STARD13: variants seen among roughly 807,000 people sequenced by gnomAD.
STARD13 encodes stAR-related lipid transfer protein 13.
A neutral mutation model predicts 106.4 loss-of-function variants in STARD13; 62 were observed. The observed-to-expected ratio is 0.58, with a 90% CI of 0.48 to 0.72. STARD13 has a LOEUF of 0.72. STARD13 is among the 30% of genes least tolerant of loss of function. The pLI is 0.00. For synonymous variants in STARD13, 565 were observed against 553.0 expected (o/e 1.02, Z -0.31); for missense variants, 1,387 against 1,424.0 (o/e 0.97, Z 0.42).
chr13:33,442,860 A>T, the STARD13 span, among the ~76,000 whole-genome samples: 49 of 152,326 alleles, frequency 3.2e-4, no homozygotes, highest in Non-Finnish European at 5.7e-4. Flanking sequence ...CATAAATGTG[A>T]TGGTGAACAT....
intron 1 of STARD13, among the ~76,000 whole-genome samples, chr13:33,317,905 T>G (rs1421846935): frequency 7.2e-5 from 11 of 152,304 alleles, no homozygotes; most frequent in African/African-American, 2.6e-4. Context: ...TCAAATATTT[T>G]TATACATTAT....
chr13:33,382,630 T>C, the STARD13 span, among the ~76,000 whole-genome samples: 1 of 152,176 alleles, frequency 6.6e-6, no homozygotes, highest in South Asian at 2.1e-4. Context: ...TAAAAGGCCA[T>C]AATTTAAGAG....
At chr13:33,191,531 T>C (rs1417080050) in intron 1 of STARD13, among the ~76,000 whole-genome samples, 2 of 152,246 alleles carry the variant, frequency 1.3e-5, no homozygotes, top group African/African-American at 2.4e-5. Context: ...CACATGCCGA[T>C]GTCCTGGCTA....
the STARD13 span, among the ~76,000 whole-genome samples, chr13:33,458,334 T>A: frequency 1.2e-3 from 175 of 150,300 alleles, no homozygotes; most frequent in Middle Eastern, 3.4e-3. Context: ...GTGCAGTGGC[T>A]CAATCTTGGC....
At chr13:33,647,982 C>T in the STARD13 span, among the ~76,000 whole-genome samples, 33 of 152,230 alleles carry the variant, frequency 2.2e-4, no homozygotes, top group African/African-American at 7.5e-4. Flanking sequence ...GACAATGATA[C>T]GTGCTCTGTT....
chr13:33,296,680 A>G (rs1017556131), intron 1 of STARD13, among the ~76,000 whole-genome samples: 4 of 152,112 alleles, frequency 2.6e-5, no homozygotes, highest in African/African-American at 4.8e-5. Flanking sequence ...GTGCAATGGT[A>G]TAATCTCAGC....
intron 2 of STARD13, among the ~76,000 whole-genome samples, chr13:33,166,993 C>CAA (rs376027158): frequency 1.1e-3 from 113 of 103,474 alleles, no homozygotes; most frequent in Non-Finnish European, 1.5e-3. Flanking sequence ...GACTCTATCT[C>CAA]AAAAAAAAAC....
chr13:33,602,375 G>C, the STARD13 span, among the ~76,000 whole-genome samples: 2 of 152,288 alleles, frequency 1.3e-5, no homozygotes, highest in South Asian at 2.1e-4. Context: ...GCAGGCGTGA[G>C]CCACCAAAAC....
chr13:33,393,777 T>A, the STARD13 span, among the ~76,000 whole-genome samples: 17 of 152,332 alleles, frequency 1.1e-4, no homozygotes, highest in African/African-American at 3.1e-4. Flanking sequence ...GAAACTCAGA[T>A]TAAATAACTT....
chr13:33,538,856 G>A, the STARD13 span, among the ~76,000 whole-genome samples: 7 of 150,814 alleles, frequency 4.6e-5, no homozygotes, highest in African/African-American at 7.3e-5. Context: ...TGCAAGCTCC[G>A]CCTCCCGGGT....
chr13:33,646,597 C>T, the STARD13 span, among the ~76,000 whole-genome samples: 2 of 151,900 alleles, frequency 1.3e-5, no homozygotes, highest in Admixed American at 6.6e-5. Context: ...TGATGTCACA[C>T]ATAGAATTTT....
At chr13:33,472,029 C>T in the STARD13 span, among the ~76,000 whole-genome samples, 1 of 152,114 alleles carries the variant, frequency 6.6e-6, no homozygotes, top group East Asian at 1.9e-4. Flanking sequence ...CTCCCTTTGC[C>T]TTTCATCAAA....
chr13:33,210,432 G>A (rs1178493775), intron 1 of STARD13, among the ~76,000 whole-genome samples: 1 of 152,194 alleles, frequency 6.6e-6, no homozygotes, highest in African/African-American at 2.4e-5. Flanking sequence ...TACAAGCTGT[G>A]TGAATTTGAA....
chr13:33,289,776 G>GC (rs1239528495), upstream of STARD13, among the ~76,000 whole-genome samples: 1 of 152,058 alleles, frequency 6.6e-6, no homozygotes, highest in Non-Finnish European at 1.5e-5. Context: ...AGATCCCAGA[G>GC]CCCTTAGTCA....
the STARD13 span, among the ~76,000 whole-genome samples, chr13:33,457,722 G>T: frequency 6.6e-6 from 1 of 152,164 alleles, no homozygotes; most frequent in Non-Finnish European, 1.5e-5. Flanking sequence ...TTCCAACAAG[G>T]CAGAAGGGGC....
the STARD13 span, among the ~76,000 whole-genome samples, chr13:33,578,102 C>T: frequency 3.9e-5 from 6 of 152,074 alleles, no homozygotes; most frequent in East Asian, 1.9e-4. Flanking sequence ...AGATTCAGTA[C>T]TGTTACTATT....
intron 7 of STARD13, among the ~76,000 whole-genome samples, chr13:33,119,983 A>G (rs9527098): frequency 0.25 from 37,786 of 152,118 alleles, 4,927 homozygotes; most frequent in South Asian, 0.31. Context: ...GGTGAGATCC[A>G]TCTCCGATTT....
At chr13:33,175,099 AAAAG>A (rs1345783309) in intron 1 of STARD13, among the ~76,000 whole-genome samples, 6 of 152,242 alleles carry the variant, frequency 3.9e-5, no homozygotes, top group Non-Finnish European at 7.3e-5. Flanking sequence ...ATCTGAGAGA[AAAAG>A]AAAGCAGAAA....
At chr13:33,261,887 T>C (rs1191987689) in intron 1 of STARD13, among the ~76,000 whole-genome samples, 2 of 152,162 alleles carry the variant, frequency 1.3e-5, no homozygotes, top group Non-Finnish European at 2.9e-5. Context: ...ACGGGTTGCT[T>C]GGGTTCGGAA....
Sources: gnomAD v4.1 joint callset for allele counts (sites outside exome capture counted in the v4.1 genomes callset) on GRCh38, gnomAD v4.1.1 for gene constraint, MANE v1.5 for transcripts, NCBI Gene and HGNC (gene_info 2026-07-23, HGNC 2026-07-21) for gene names.